Variants in IPO5 observed in about 807,000 individuals in gnomAD.
IPO5 encodes the protein importin-5.
A neutral mutation model predicts 143.3 loss-of-function variants in IPO5; 18 were observed. That is an observed-to-expected ratio of 0.13 (90% CI 0.09 to 0.19). IPO5 has a LOEUF of 0.19. IPO5 is among the 10% of genes least tolerant of loss of function. The probability of loss-of-function intolerance (pLI) is 1.00; values close to 1 mark genes in which losing one functional copy is unlikely to be tolerated. For synonymous variants in IPO5, 477 were observed against 465.7 expected (o/e 1.02, Z -0.31); for missense variants, 1,013 against 1,336.9 (o/e 0.76, Z 3.78).
chr13:97,979,786 A>G (rs1886691252), intron 4 of IPO5: 4 of 423,590 alleles, frequency 9.4e-6, no homozygotes, highest in Non-Finnish European at 1.9e-5. Context: ...CCCATCTCCC[A>G]AAGTGTTGGA....
At chr13:97,975,997 G>C in intron 3 of IPO5, 1 of 982,832 alleles carries the variant, frequency 1.0e-6, no homozygotes, top group Non-Finnish European at 1.2e-6. Flanking sequence ...GTGAGTAGAA[G>C]GTACGTAGGA....
Position 97,985,408 on chromosome 13 carries a change from T to TA in IPO5, c.172-12dup, listed in dbSNP as rs1282378327. The TA allele has an allele frequency of 6.3e-7, 1 of 1,594,266 alleles. No individual in the cohort carries two copies. The highest frequency in any genetic ancestry group is 1.7e-5 in the Admixed American group (1 of 59,884). Reference sequence around the variant, plus strand: ...GAGTGAATCTAGTTATTAACAATGTTATCTGTTTATAGGCTAGACAAATGG... The same window carrying TA: ...GAGTGAATCTAGTTATTAACAATGTTAATCTGTTTATAGGCTAGACAAATGG... On this transcript the variant is annotated splice_polypyrimidine_tract_variant and intron_variant, in intron 5 of 28. Transcript: ENST00000651721.
chr13:98,020,416 C>G (rs1431589885), intron 27 of IPO5, among the ~76,000 whole-genome samples: 1 of 152,204 alleles, frequency 6.6e-6, no homozygotes, highest in Non-Finnish European at 1.5e-5. Context: ...TTGAGTCTTC[C>G]ACTGACCATA....
intron 13 of IPO5, among the ~76,000 whole-genome samples, chr13:98,001,492 T>C (rs1888772311): frequency 6.6e-6 from 1 of 151,980 alleles, no homozygotes; most frequent in South Asian, 2.1e-4. Flanking sequence ...CGCCCAGCTA[T>C]TTCGAGACAG....
intron 6 of IPO5, chr13:97,986,979 C>G (rs1281191567): frequency 6.5e-6 from 1 of 154,570 alleles, no homozygotes; most frequent in African/African-American, 2.4e-5. Context: ...TGAAGAGACA[C>G]TTGCCCAGCT....
intron 3 of IPO5, among the ~76,000 whole-genome samples, chr13:97,973,908 A>C (rs1265594331): frequency 6.6e-6 from 1 of 151,972 alleles, no homozygotes; most frequent in Non-Finnish European, 1.5e-5. Flanking sequence ...TCTCTACCAA[A>C]ACTGGAAACA....
intron 2 of IPO5, among the ~76,000 whole-genome samples, chr13:97,965,807 A>G (rs1366517554): frequency 6.7e-6 from 1 of 149,762 alleles, no homozygotes; most frequent in South Asian, 2.1e-4. Context: ...ATTCCTTAGG[A>G]TTTTGTCTAT....
intron 3 of IPO5, among the ~76,000 whole-genome samples, chr13:97,972,485 T>C (rs1208552705): frequency 1.3e-5 from 2 of 152,202 alleles, no homozygotes; most frequent in East Asian, 1.9e-4. Flanking sequence ...AATCCTAAAC[T>C]ACCTAGATTT....
intron 22 of IPO5, among the ~76,000 whole-genome samples, chr13:98,015,155 C>T (rs1271783277): frequency 2.6e-5 from 4 of 151,832 alleles, no homozygotes; most frequent in Admixed American, 6.6e-5. Context: ...TATTTTATTT[C>T]TTCTACCTCT....
intron 2 of IPO5, among the ~76,000 whole-genome samples, chr13:97,966,928 T>C (rs762437705): frequency 6.6e-6 from 1 of 151,960 alleles, no homozygotes; most frequent in East Asian, 1.9e-4. Context: ...CCCAGCTACT[T>C]GGGAGGCTGA....
intron 13 of IPO5, 74 bp downstream of exon 13, chr13:98,000,719 A>C (rs538352160): frequency 5.4e-6 from 5 of 933,458 alleles, no homozygotes; most frequent in Non-Finnish European, 8.7e-6. Flanking sequence ...AGATATGTTT[A>C]GACTGTTAAA....
chr13:98,020,319 G>C (rs1890392954), intron 27 of IPO5, among the ~76,000 whole-genome samples: 1 of 152,142 alleles, frequency 6.6e-6, no homozygotes, highest in African/African-American at 2.4e-5. Context: ...AAATTCAAGG[G>C]CTACAACCAC....
chr13:97,987,788 C>A (rs567580750), intron 6 of IPO5, among the ~76,000 whole-genome samples: 122 of 152,310 alleles, frequency 8.0e-4, no homozygotes, highest in African/African-American at 2.8e-3. Flanking sequence ...GAGGCATGAG[C>A]CACAGCGCCC....
intron 2 of IPO5, among the ~76,000 whole-genome samples, chr13:97,965,820 G>A (rs905337972): frequency 7.9e-5 from 12 of 151,020 alleles, no homozygotes; most frequent in African/African-American, 2.2e-4. Flanking sequence ...TTGTCTATAC[G>A]AAATCATGTC....
chr13:98,008,923 CAAAG>C (rs1439153918), intron 18 of IPO5, among the ~76,000 whole-genome samples: 1 of 152,134 alleles, frequency 6.6e-6, no homozygotes, highest in Non-Finnish European at 1.5e-5. Flanking sequence ...TACCATTTTG[CAAAG>C]AAAGCATGTT....
chr13:97,978,572 T>TA (rs1055144758), intron 4 of IPO5, among the ~76,000 whole-genome samples: 148 of 149,162 alleles, frequency 9.9e-4, no homozygotes, highest in Admixed American at 5.1e-3. Context: ...GATGATGCTT[T>TA]AAAAAAAAAA....
chr13:97,983,381 A>G (rs1887019770), intron 5 of IPO5, among the ~76,000 whole-genome samples: 1 of 152,116 alleles, frequency 6.6e-6, no homozygotes, highest in Admixed American at 6.6e-5. Flanking sequence ...AGAATATTTT[A>G]TTAGAATCAT....
intron 2 of IPO5, among the ~76,000 whole-genome samples, chr13:97,959,621 C>A (rs745713448): frequency 5.9e-5 from 9 of 151,984 alleles, no homozygotes; most frequent in Admixed American, 2.0e-4. Flanking sequence ...ATAGTCCCAG[C>A]TACTTAGGAG....
At chr13:98,005,216 A>G (rs1255661353) in intron 16 of IPO5, among the ~76,000 whole-genome samples, 1 of 148,748 alleles carries the variant, frequency 6.7e-6, no homozygotes, top group Non-Finnish European at 1.5e-5. Flanking sequence ...TTTTTTCCCC[A>G]GACAGAGTCT....
Sources: gnomAD v4.1 joint callset for allele counts (sites outside exome capture counted in the v4.1 genomes callset) on GRCh38, gnomAD v4.1.1 for gene constraint, MANE v1.5 for transcripts, NCBI Gene and HGNC (gene_info 2026-07-23, HGNC 2026-07-21) for gene names.